The following AMBRA1 variants were observed in gnomAD, a reference collection of about 807,000 sequenced individuals.
AMBRA1 encodes autophagy and beclin 1 regulator 1.
A neutral mutation model predicts 125.4 loss-of-function variants in AMBRA1; 47 were observed. The ratio of observed to expected loss-of-function variants is 0.37; its 90% confidence interval spans 0.30 to 0.48. AMBRA1 has a LOEUF of 0.48. Ranked by LOEUF, AMBRA1 falls within the 20% of genes least tolerant of loss-of-function variation. AMBRA1 has a pLI of 0.99. For missense variants in AMBRA1, 1,331 were observed against 1,693.4 expected (o/e 0.79, Z 3.76); for synonymous variants, 626 against 655.5 (o/e 0.95, Z 0.69).
At chr11:46,428,862 T>G in intron 14 of AMBRA1, 2 of 1,611,740 alleles carry the variant, frequency 1.2e-6, no homozygotes, top group South Asian at 2.2e-5. Context: ...TCTGGACGGC[T>G]ACGGCGTAGG....
At chr11:46,554,350 T>G (rs2043104067) in intron 1 of AMBRA1, among the ~76,000 whole-genome samples, 1 of 152,176 alleles carries the variant, frequency 6.6e-6, no homozygotes, top group South Asian at 2.1e-4. Flanking sequence ...ACAAGTACTG[T>G]ATGACTCAGA....
At chr11:46,575,502 T>C (rs1239568063) in intron 1 of AMBRA1, among the ~76,000 whole-genome samples, 10 of 149,764 alleles carry the variant, frequency 6.7e-5, no homozygotes, top group Admixed American at 6.0e-4. Flanking sequence ...GAAATTTGTT[T>C]TTTTCTTTCC....
Position 46,542,241 on chromosome 11 carries a change from G to A in AMBRA1, c.1776C>T (p.Ser592=). Residue 592 remains serine, a synonymous_variant, in exon 7 of 18, where the codon TCC becomes TCT. Coordinates refer to ENST00000683756, the MANE Select transcript of AMBRA1 (RefSeq NM_001387011.1). This position sits in a 1 kb window ranked among gnomAD's most constrained non-coding sequence, Gnocchi z 5.9. ...GCCAAGAGGAACTAGCCTCGCCAGA[G>A]GAGTAGTTAGGTGTGGTTCTTTCCC... The part of the protein sequence containing the change: ...LRWERTTPNY[S]SGEASSSWQV... 1 of 1,614,042 alleles carries A rather than the reference G, an allele frequency of 6.2e-7. No individual in the cohort carries two copies. The highest frequency in any genetic ancestry group is 1.1e-5 in the South Asian group (1 of 91,090).
At chr11:46,398,029 G>A in intron 17 of AMBRA1, 86 bp from the exon 18 acceptor site, 1 of 1,488,058 alleles carries the variant, frequency 6.7e-7, no homozygotes, top group Non-Finnish European at 8.9e-7. Context: ...TAGCAGCTGG[G>A]GGATTCTTGA....
At chr11:46,423,686 C>T (rs888206670) in intron 14 of AMBRA1, among the ~76,000 whole-genome samples, 10 of 151,718 alleles carry the variant, frequency 6.6e-5, no homozygotes, top group Non-Finnish European at 1.0e-4. Flanking sequence ...CCACCGTGCC[C>T]GGCCAATTTT....
At chr11:46,528,552 A>G (rs72912131) in intron 7 of AMBRA1, among the ~76,000 whole-genome samples, 1 of 152,330 alleles carries the variant, frequency 6.6e-6, no homozygotes, top group Non-Finnish European at 1.5e-5. Context: ...ATACTGCAAG[A>G]TTCCATTAAT....
chr11:46,568,720 C>T (rs1336848848), intron 1 of AMBRA1, among the ~76,000 whole-genome samples: 1 of 144,800 alleles, frequency 6.9e-6, no homozygotes, highest in South Asian at 2.2e-4. Flanking sequence ...TGCAGTGAGC[C>T]GAGACCTCAC....
At chr11:46,400,677 C>T (rs114817824) in intron 17 of AMBRA1, among the ~76,000 whole-genome samples, 3,238 of 151,418 alleles carry the variant, frequency 0.021, 114 homozygotes, top group African/African-American at 0.074. Flanking sequence ...TTTGCAGAGA[C>T]GGTTTCGCCG....
At position 46,542,014 on chromosome 11, in the gene AMBRA1, C is replaced by A; in HGVS notation, c.2003G>T (p.Gly668Val). Residue 668 changes from glycine (G) to valine (V), a missense_variant, in exon 7 of 18, where the codon GGA becomes GTA. Transcript: ENST00000683756. This position sits in a 1 kb window ranked among gnomAD's most constrained non-coding sequence, Gnocchi z 5.9. ...ATGTAAGGCCTCCTGTGACACAGTTCCAGATCTGCTGGACTGGGTGTAAAT... is the reference window on the plus strand; with the variant it reads ...ATGTAAGGCCTCCTGTGACACAGTTACAGATCTGCTGGACTGGGTGTAAAT... ...ERIYTQSSRS[G>V]TVSQEALHQD... is the part of the protein sequence containing the mutation. 1 of 1,614,082 alleles carries A rather than the reference C, an allele frequency of 6.2e-7. No homozygotes were observed. The highest frequency in any genetic ancestry group is 8.5e-7 in the Non-Finnish European group (1 of 1,179,984).
chr11:46,589,131 C>A (rs2044503418), intron 1 of AMBRA1, among the ~76,000 whole-genome samples: 1 of 152,204 alleles, frequency 6.6e-6, no homozygotes, highest in African/African-American at 2.4e-5. Flanking sequence ...AAACCCAGAT[C>A]TCCTGATTAC....
chr11:46,559,306 AAAAG>A (rs1209996521), intron 1 of AMBRA1, among the ~76,000 whole-genome samples: 3 of 152,002 alleles, frequency 2.0e-5, no homozygotes, highest in South Asian at 2.1e-4. Flanking sequence ...CTCAAAAAAA[AAAAG>A]AAAGAAAAGA....
intron 11 of AMBRA1, among the ~76,000 whole-genome samples, chr11:46,443,806 T>A (rs532014203): frequency 6.6e-6 from 1 of 152,216 alleles, no homozygotes; most frequent in Non-Finnish European, 1.5e-5. Context: ...TGTGGAAATA[T>A]AATCCCATTC....
intron 10 of AMBRA1, 73 bp downstream of exon 10, chr11:46,494,051 C>G: frequency 7.1e-7 from 1 of 1,414,774 alleles, no homozygotes; most frequent in South Asian, 1.2e-5. Context: ...ATTCAAAGAC[C>G]AGAAAGTAGG....
intron 14 of AMBRA1, among the ~76,000 whole-genome samples, chr11:46,420,917 G>A (rs1590758270): frequency 6.6e-6 from 1 of 152,204 alleles, no homozygotes; most frequent in Non-Finnish European, 1.5e-5. Flanking sequence ...AGATGCTTAA[G>A]TTGCTGTGCT....
chr11:46,532,579 G>C (rs1022006178), intron 7 of AMBRA1, among the ~76,000 whole-genome samples: 3 of 152,138 alleles, frequency 2.0e-5, no homozygotes, highest in Non-Finnish European at 4.4e-5. Context: ...TGGGACTACA[G>C]GCACCCACCA....
chr11:46,441,181 A>C (rs1160437091), intron 12 of AMBRA1, among the ~76,000 whole-genome samples: 1 of 152,216 alleles, frequency 6.6e-6, no homozygotes, highest in Non-Finnish European at 1.5e-5. Context: ...TGACAGAAAA[A>C]ATTGAATAGA....
chr11:46,527,956 T>A (rs1224431193), intron 7 of AMBRA1, among the ~76,000 whole-genome samples: 1 of 152,202 alleles, frequency 6.6e-6, no homozygotes, highest in Non-Finnish European at 1.5e-5. Context: ...CACTTCTGGT[T>A]ATGTATCTAA....
chr11:46,584,840 G>C (rs989336076), intron 1 of AMBRA1, among the ~76,000 whole-genome samples: 1 of 152,210 alleles, frequency 6.6e-6, no homozygotes, highest in Admixed American at 6.5e-5. Flanking sequence ...GGGAGGCTGA[G>C]ATGGGTGGAT....
chr11:46,542,163 A>G lies in AMBRA1; in HGVS notation c.1854T>C (p.Pro618=). 2 of 1,613,730 alleles carry G rather than the reference A, an allele frequency of 1.2e-6. No homozygotes were observed. The highest frequency in any genetic ancestry group is 1.7e-6 in the Non-Finnish European group (2 of 1,179,794). The change falls in exon 7 of 18, where the codon CCT becomes CCC. Residue 618 remains proline (P), a synonymous_variant. Transcript: ENST00000683756. This position sits in a 1 kb window ranked among gnomAD's most constrained non-coding sequence, Gnocchi z 5.9. ...SVPSSGSQLP[P]LERTEGQTPS... ...GCGTTTGGCCCTCAGTCCGCTCGAGAGGTGGCAACTGGCTGCCACTTGATG... is the reference window on the plus strand; with the variant it reads ...GCGTTTGGCCCTCAGTCCGCTCGAGGGGTGGCAACTGGCTGCCACTTGATG...
Sources: gnomAD v4.1 joint callset for allele counts (sites outside exome capture counted in the v4.1 genomes callset) on GRCh38, gnomAD v4.1.1 for gene constraint, Gnocchi (gnomAD v3.1) non-coding constraint, MANE v1.5 for transcripts, NCBI Gene and HGNC (gene_info 2026-07-23, HGNC 2026-07-21) for gene names.